PHLDB2: variants seen among roughly 807,000 people sequenced by gnomAD.
PHLDB2 encodes pleckstrin homology like domain family B member 2, also known as pleckstrin homology-like domain family B member 2.
A neutral mutation model predicts 123.6 loss-of-function variants in PHLDB2; 71 were observed. That is an observed-to-expected ratio of 0.57 (90% CI 0.47 to 0.70). The LOEUF (loss-of-function observed/expected upper bound fraction) is 0.70. PHLDB2 is among the 30% of genes least tolerant of loss of function. The pLI is 0.00. For synonymous variants in PHLDB2, 547 were observed against 541.6 expected (o/e 1.01, Z -0.14); for missense variants, 1,446 against 1,519.5 (o/e 0.95, Z 0.80).
intron 1 of PHLDB2, among the ~76,000 whole-genome samples, chr3:111,739,597 C>A (rs11921049): frequency 0.42 from 45,028 of 107,504 alleles, 8,893 homozygotes; most frequent in East Asian, 0.61. Context: ...ACAAAACAAA[C>A]AAAAAAAAAA....
chr3:111,842,814 T>C (rs2063753806), intron 1 of PHLDB2, among the ~76,000 whole-genome samples: 1 of 152,226 alleles, frequency 6.6e-6, no homozygotes, highest in African/African-American at 2.4e-5. Flanking sequence ...TCTGTCTCTA[T>C]AGATTTAACT....
At chr3:111,911,327 A>T (rs1332691973) in intron 2 of PHLDB2, among the ~76,000 whole-genome samples, 9 of 152,196 alleles carry the variant, frequency 5.9e-5, no homozygotes, top group African/African-American at 2.2e-4. Context: ...CAACTTAATT[A>T]CCTAAGTGGC....
chr3:111,953,711 G>A, intron 11 of PHLDB2: 1 of 428,970 alleles, frequency 2.3e-6, no homozygotes, highest in South Asian at 3.3e-5. Flanking sequence ...TGGAATTGCT[G>A]CTGTTGGAGG....
intron 11 of PHLDB2, among the ~76,000 whole-genome samples, chr3:111,953,026 G>T (rs1401324780): frequency 1.3e-5 from 2 of 152,178 alleles, no homozygotes; most frequent in Non-Finnish European, 2.9e-5. Flanking sequence ...TAGCCTCTGT[G>T]TTCCAGGAAT....
At chr3:111,813,042 C>A (rs1290154719) in intron 1 of PHLDB2, among the ~76,000 whole-genome samples, 1 of 152,186 alleles carries the variant, frequency 6.6e-6, no homozygotes, top group Non-Finnish European at 1.5e-5. Context: ...CTTCAATAAT[C>A]AAAATCTAGC....
chr3:111,960,491 G>A (rs2071333647), intron 12 of PHLDB2, among the ~76,000 whole-genome samples: 1 of 152,152 alleles, frequency 6.6e-6, no homozygotes, highest in Admixed American at 6.5e-5. Context: ...AAATACTAAT[G>A]GTGTGAATAC....
intron 1 of PHLDB2, among the ~76,000 whole-genome samples, chr3:111,812,653 C>T (rs1324011521): frequency 6.6e-6 from 1 of 152,128 alleles, no homozygotes; most frequent in Admixed American, 6.5e-5. Flanking sequence ...TGGTTTTATC[C>T]CAACTGTTCA....
At chr3:111,875,338 T>TG (rs11380227) in intron 1 of PHLDB2, among the ~76,000 whole-genome samples, 72,299 of 150,964 alleles carry the variant, frequency 0.48, 18,219 homozygotes, top group East Asian at 0.78. Flanking sequence ...TTAGTAGAGA[T>TG]GGAGTTTCTC....
rs578237823 is a variant in PHLDB2, at chr3:111,801,717, G to A, written c.-48-44104G>A. Among the ~76,000 whole-genome samples, 4 of 152,090 alleles carry A rather than the reference G, an allele frequency of 2.6e-5. No homozygotes were observed. The South Asian group carries it at 8.3e-4, about 32-fold the overall frequency. On this transcript the variant is annotated intron_variant, in intron 1 of 17. Coordinates refer to the PHLDB2 transcript ENST00000393923. ...CATGAATGAACCTTGAAAATATTATGCTAAGTGAAAGGAGACAGACACAAG... is the reference window on the plus strand; with the variant it reads ...CATGAATGAACCTTGAAAATATTATACTAAGTGAAAGGAGACAGACACAAG...
chr3:111,861,630 T>C (rs182757760), intron 1 of PHLDB2, among the ~76,000 whole-genome samples: 52 of 152,234 alleles, frequency 3.4e-4, no homozygotes, highest in Admixed American at 1.0e-3. Context: ...CTGCCACGAG[T>C]GTCGCCTGGA....
At chr3:111,874,980 A>G (rs13080181) in intron 1 of PHLDB2, among the ~76,000 whole-genome samples, 8,693 of 152,304 alleles carry the variant, frequency 0.057, 319 homozygotes, top group Non-Finnish European at 0.077. Flanking sequence ...ACTTTTTATA[A>G]CAATTCTGTT....
At position 111,834,166 on chromosome 3, in the gene PHLDB2, G is replaced by A. The variant is rs1170839183; in HGVS notation, c.-48-11655G>A. Among the ~76,000 whole-genome samples the A allele has an allele frequency of 9.6e-5, 11 of 114,176 alleles. 1 individual carries two copies. Among genetic ancestry groups the A allele is most frequent in the Admixed American group, 8.0e-4 (8 of 9,998 alleles). The allele number at this position is 114,176 out of a possible 152,430, so 74.9% of individuals were successfully genotyped here. A position where few individuals can be genotyped will look rare whatever the true frequency, so the allele number is the denominator to read the frequency against. On this transcript the variant is annotated intron_variant, in intron 1 of 17. Coordinates refer to the PHLDB2 transcript ENST00000393923. Reference sequence around the variant, plus strand: ...TAATAGAATTATATATATTATATATGTAATAGAATTATATATATTATATAT... The same window carrying A: ...TAATAGAATTATATATATTATATATATAATAGAATTATATATATTATATAT...
chr3:111,898,734 C>T (rs569756900), intron 2 of PHLDB2, among the ~76,000 whole-genome samples: 5 of 152,306 alleles, frequency 3.3e-5, no homozygotes, highest in Admixed American at 2.0e-4. Context: ...GTTTCCATCT[C>T]GAGAAACCAT....
chr3:111,954,921 C>T (rs1043661943), intron 12 of PHLDB2, among the ~76,000 whole-genome samples: 2 of 152,036 alleles, frequency 1.3e-5, no homozygotes, highest in Non-Finnish European at 2.9e-5. Flanking sequence ...TACATTCATG[C>T]AGTGATGGGA....
At chr3:111,786,035 A>G (rs1374467386) in intron 1 of PHLDB2, among the ~76,000 whole-genome samples, 3 of 152,154 alleles carry the variant, frequency 2.0e-5, no homozygotes, top group African/African-American at 7.2e-5. Context: ...GAAGAATTTT[A>G]TATTCAAAAA....
At chr3:111,947,689 T>A (rs1161496041) in intron 9 of PHLDB2, among the ~76,000 whole-genome samples, 2 of 152,232 alleles carry the variant, frequency 1.3e-5, no homozygotes, top group East Asian at 3.8e-4. Context: ...ACATATTGAA[T>A]GAACTTGACC....
intron 1 of PHLDB2, among the ~76,000 whole-genome samples, chr3:111,772,255 G>A (rs2060192172): frequency 6.6e-6 from 1 of 152,092 alleles, no homozygotes; most frequent in African/African-American, 2.4e-5. Flanking sequence ...TTCAGAGGAA[G>A]TTATTTTCCA....
At position 111,842,628 on chromosome 3, in the gene PHLDB2, T is replaced by C. The variant is rs144696048; in HGVS notation, c.-48-3193T>C. Among the ~76,000 whole-genome samples the C allele has an allele frequency of 6.7e-3, 1,014 of 152,328 alleles. 12 individuals are homozygous for C. The highest frequency in any genetic ancestry group is 0.02 in the Middle Eastern group (6 of 294). ...ATTGAGATATAACTCACAGACCATA[T>C]AATTCACCTACTTAAAGTTTACAAT... On this transcript the variant is annotated intron_variant, in intron 1 of 17. Transcript: ENST00000393923.
At chr3:111,868,673 T>C (rs2065203212) in intron 1 of PHLDB2, among the ~76,000 whole-genome samples, 1 of 152,206 alleles carries the variant, frequency 6.6e-6, no homozygotes, top group African/African-American at 2.4e-5. Flanking sequence ...ATTGATATTG[T>C]CTCCTTTAAA....
Sources: allele counts gnomAD v4.1 joint callset (sites outside exome capture counted in the v4.1 genomes callset), GRCh38; gene constraint gnomAD v4.1.1; transcripts MANE v1.5; gene names NCBI Gene and HGNC (gene_info 2026-07-23, HGNC 2026-07-21).